Variants in ADAMTS20 observed in about 807,000 individuals in gnomAD.
The protein encoded by ADAMTS20 is ADAM metallopeptidase with thrombospondin type 1 motif 20.
A neutral mutation model predicts 260.1 loss-of-function variants in ADAMTS20; 225 were observed. The ratio of observed to expected loss-of-function variants is 0.87; its 90% confidence interval spans 0.78 to 0.97. ADAMTS20 has a LOEUF of 0.97. ADAMTS20 is among the 50% of genes least tolerant of loss of function. The pLI, the probability that ADAMTS20 is intolerant of heterozygous loss-of-function variation, is 0.00. For missense variants in ADAMTS20, 2,400 were observed against 2,337.7 expected, an observed-to-expected ratio of 1.03 and a Z score of -0.55; for synonymous variants, 802 against 769.5, an observed-to-expected ratio of 1.04 and a Z score of -0.70.
intron 28 of ADAMTS20, chr12:43,423,536 T>G (rs1592060719): frequency 1.7e-6 from 1 of 588,996 alleles, no homozygotes; most frequent in East Asian, 2.8e-5. Context: ...GTTAGGATTC[T>G]GCTCTCCTAA....
intron 35 of ADAMTS20, among the ~76,000 whole-genome samples, chr12:43,375,854 A>AT: frequency 6.6e-6 from 1 of 152,366 alleles, no homozygotes; most frequent in East Asian, 1.9e-4. Context: ...GTTAATAGTC[A>AT]ATATTAACAA....
At chr12:43,416,665 C>T (rs933768315) in intron 28 of ADAMTS20, among the ~76,000 whole-genome samples, 3 of 151,896 alleles carry the variant, frequency 2.0e-5, no homozygotes, top group Non-Finnish European at 2.9e-5. Flanking sequence ...GGACTACAGG[C>T]GCCCGCCACC....
At chr12:43,447,074 G>A (rs1941775693) in intron 14 of ADAMTS20, among the ~76,000 whole-genome samples, 1 of 151,898 alleles carries the variant, frequency 6.6e-6, no homozygotes, top group South Asian at 2.1e-4. Context: ...AATAAGAGCT[G>A]GTACCATTCC....
intron 28 of ADAMTS20, among the ~76,000 whole-genome samples, chr12:43,407,001 C>T (rs904934011): frequency 2.6e-5 from 4 of 151,930 alleles, no homozygotes; most frequent in African/African-American, 9.7e-5. Flanking sequence ...AACAGGGACC[C>T]CATTCATAGT....
At chr12:43,508,725 C>A (rs142145238) in intron 3 of ADAMTS20, among the ~76,000 whole-genome samples, 31 of 152,234 alleles carry the variant, frequency 2.0e-4, no homozygotes, top group African/African-American at 7.2e-4. Flanking sequence ...GGGTATAAAT[C>A]ATCTCAAGCA....
At chr12:43,407,406 G>A (rs966157569) in intron 28 of ADAMTS20, among the ~76,000 whole-genome samples, 3 of 151,164 alleles carry the variant, frequency 2.0e-5, no homozygotes, top group Non-Finnish European at 3.0e-5. Flanking sequence ...ACAGTTCTTG[G>A]CTAATTCATG....
rs111648693 is a variant in ADAMTS20, at chr12:43,446,534, T to C, written c.2197+61A>G. On this transcript the variant is annotated intron_variant, in intron 15 of 38. Transcript: ENST00000389420. The stretch of plus-strand genomic sequence containing the variant: ...AACAAAGAATTACTGTTACACCTTC[T>C]TTACAGACTCCATTATTATACTAAA... 67 of 1,268,840 alleles carry C rather than the reference T, an allele frequency of 5.3e-5. No individual in the cohort carries two copies. The African/African-American group carries it at 8.3e-4, about 16-fold the overall frequency. The allele number at this position is 1,268,840 out of a possible 1,614,324, so 78.6% of individuals were successfully genotyped here.
intron 3 of ADAMTS20, among the ~76,000 whole-genome samples, chr12:43,507,742 A>C (rs1033019315): frequency 7.2e-5 from 11 of 152,314 alleles, no homozygotes; most frequent in Middle Eastern, 3.4e-3. Context: ...CATAATCCTA[A>C]ATGCCCATCG....
intron 28 of ADAMTS20, among the ~76,000 whole-genome samples, chr12:43,406,041 C>T (rs1439386589): frequency 6.6e-6 from 1 of 152,196 alleles, no homozygotes; most frequent in Non-Finnish European, 1.5e-5. Flanking sequence ...ACATATTATA[C>T]ATTACAAATT....
chr12:43,529,696 G>C (rs964176164), intron 3 of ADAMTS20, among the ~76,000 whole-genome samples: 1 of 152,066 alleles, frequency 6.6e-6, no homozygotes, highest in Admixed American at 6.6e-5. Context: ...ATCTACATAT[G>C]AGGTGCAAGG....
intron 3 of ADAMTS20, among the ~76,000 whole-genome samples, chr12:43,522,730 T>A (rs902624426): frequency 3.3e-5 from 5 of 152,202 alleles, no homozygotes; most frequent in African/African-American, 1.2e-4. Flanking sequence ...GTGGGGGTTT[T>A]TGTTGGTGTT....
chr12:43,531,647 G>A (rs1358539533), intron 3 of ADAMTS20, among the ~76,000 whole-genome samples: 1 of 152,102 alleles, frequency 6.6e-6, no homozygotes, highest in Non-Finnish European at 1.5e-5. Flanking sequence ...AGGCGGGAAG[G>A]AAAGATGTTG....
At chr12:43,483,587 G>A (rs1159505669) in intron 7 of ADAMTS20, among the ~76,000 whole-genome samples, 1 of 152,116 alleles carries the variant, frequency 6.6e-6, no homozygotes, top group African/African-American at 2.4e-5. Flanking sequence ...TCTCTAAATG[G>A]AACATCAGCA....
intron 3 of ADAMTS20, among the ~76,000 whole-genome samples, chr12:43,506,052 A>C (rs568147148): frequency 6.6e-6 from 1 of 152,122 alleles, no homozygotes; most frequent in African/African-American, 2.4e-5. Flanking sequence ...TGAGCCTCCA[A>C]GTTTGAAGCT....
At chr12:43,409,471 G>A (rs1296199705) in intron 28 of ADAMTS20, among the ~76,000 whole-genome samples, 4 of 149,168 alleles carry the variant, frequency 2.7e-5, no homozygotes, top group South Asian at 4.2e-4. Context: ...GCGTAGTGGC[G>A]GGCGCCTGTA....
intron 2 of ADAMTS20, among the ~76,000 whole-genome samples, chr12:43,543,878 T>C (rs1187069867): frequency 2.0e-5 from 3 of 152,180 alleles, no homozygotes; most frequent in Non-Finnish European, 2.9e-5. Context: ...AAAGTCAAGA[T>C]CCAGTATACC....
intron 2 of ADAMTS20, among the ~76,000 whole-genome samples, chr12:43,540,337 C>T (rs1422939748): frequency 6.6e-6 from 1 of 152,162 alleles, no homozygotes; most frequent in Non-Finnish European, 1.5e-5. Context: ...TGCTAGAACA[C>T]TCCAGCCTTT....
intron 11 of ADAMTS20, among the ~76,000 whole-genome samples, chr12:43,455,652 C>A (rs374598512): frequency 6.6e-6 from 1 of 152,028 alleles, no homozygotes; most frequent in Non-Finnish European, 1.5e-5. Flanking sequence ...CCATAACATA[C>A]GCATTTACCA....
chr12:43,541,716 C>A (rs1430094667), intron 2 of ADAMTS20, among the ~76,000 whole-genome samples: 2 of 152,088 alleles, frequency 1.3e-5, no homozygotes, highest in Non-Finnish European at 2.9e-5. Context: ...AAAGAAAACA[C>A]AAGAATTAAC....
Sources: gnomAD v4.1 joint callset for allele counts (sites outside exome capture counted in the v4.1 genomes callset) on GRCh38, gnomAD v4.1.1 for gene constraint, MANE v1.5 for transcripts, NCBI Gene and HGNC (gene_info 2026-07-23, HGNC 2026-07-21) for gene names.